ZNF43: variants seen among roughly 807,000 people sequenced by gnomAD.
ZNF43 encodes zinc finger protein 43.
ZNF43 carries 44 observed loss-of-function variants against 68.4 expected under a neutral mutation model. The observed-to-expected ratio is 0.64, with a 90% CI of 0.51 to 0.83. ZNF43 has a LOEUF of 0.83. ZNF43 is among the 40% of genes least tolerant of loss of function. The pLI, the probability that ZNF43 is intolerant of heterozygous loss-of-function variation, is 0.00. For synonymous variants in ZNF43, 308 were observed against 307.8 expected (o/e 1.00, Z -0.01); for missense variants, 896 against 933.2 (o/e 0.96, Z 0.52).
intron 1 of ZNF43, among the ~76,000 whole-genome samples, chr19:21,829,999 C>T (rs1336577250): frequency 6.6e-6 from 1 of 152,046 alleles, no homozygotes; most frequent in Non-Finnish European, 1.5e-5. Flanking sequence ...CCCCTGTAAT[C>T]GCAGCATTTT....
At position 21,817,889 on chromosome 19, in the gene ZNF43, T is replaced by G; in HGVS notation, c.228A>C (p.Pro76=). ...MRRHEMVAKP[P]VMCSHFTQDF... ...GTATTCACTTTCACTCTCACCTACCTGGGGGTTTGGCTACCATTTCATGTC... is the reference window on the plus strand; with the variant it reads ...GTATTCACTTTCACTCTCACCTACCGGGGGGTTTGGCTACCATTTCATGTC... The change falls in exon 3 of 4, where the codon CCA becomes CCC. Residue 76 remains proline, a splice_region_variant and synonymous_variant. Transcript: ENST00000354959. The G allele has an allele frequency of 6.2e-7, 1 of 1,612,362 alleles. No homozygotes were observed. Among genetic ancestry groups the G allele is most frequent in the South Asian group, 1.1e-5 (1 of 91,054 alleles).
At chr19:21,812,078 T>C in intron 3 of ZNF43, 1 of 398,308 alleles carries the variant, frequency 2.5e-6, no homozygotes, top group Non-Finnish European at 4.4e-6. Context: ...GTGAAAGTAT[T>C]TGTAAATCAC....
At chr19:21,829,283 A>C (rs947647434) in intron 1 of ZNF43, among the ~76,000 whole-genome samples, 1 of 152,094 alleles carries the variant, frequency 6.6e-6, no homozygotes, top group African/African-American at 2.4e-5. Context: ...TCCAAGGTTG[A>C]GTTTACACAC....
At chr19:21,826,831 T>C (rs1209069399) in intron 1 of ZNF43, 18 of 49,636 alleles carry the variant, frequency 3.6e-4, no homozygotes, top group Admixed American at 2.5e-3. Context: ...TGAGACTCTT[T>C]GTCTCCAAAA....
At chr19:21,812,170 A>G (rs2037307218) in intron 3 of ZNF43, 1 of 363,910 alleles carries the variant, frequency 2.7e-6, no homozygotes, top group Non-Finnish European at 4.9e-6. Context: ...TCTGTCACCC[A>G]TGCTGGAGTG....
chr19:21,817,173 A>G (rs552331968), intron 3 of ZNF43, among the ~76,000 whole-genome samples: 1 of 148,564 alleles, frequency 6.7e-6, no homozygotes, highest in South Asian at 2.4e-4. Flanking sequence ...CAGTGAGCCG[A>G]GATTGTGCCA....
intron 1 of ZNF43, among the ~76,000 whole-genome samples, chr19:21,841,961 C>A (rs1388842055): frequency 6.6e-6 from 1 of 152,168 alleles, no homozygotes; most frequent in Non-Finnish European, 1.5e-5. Context: ...GGTCCAACAA[C>A]TAGGTGATGT....
chr19:21,824,455 C>T (rs1270779885), intron 1 of ZNF43, among the ~76,000 whole-genome samples: 1 of 152,114 alleles, frequency 6.6e-6, no homozygotes, highest in East Asian at 1.9e-4. Context: ...TGAGCAAAAT[C>T]TGAAAAGTTC....
intron 1 of ZNF43, among the ~76,000 whole-genome samples, chr19:21,830,227 C>A (rs2038354605): frequency 6.6e-6 from 1 of 150,424 alleles, no homozygotes; most frequent in Admixed American, 6.6e-5. Context: ...AAGGTTGTGC[C>A]ACTGCACTCC....
Position 21,808,706 on chromosome 19 carries a change from T to C in ZNF43, c.1331A>G (p.His444Arg), listed in dbSNP as rs767789121. 4.3e-6 allele frequency: 7 copies of C among 1,613,254 alleles called. No homozygotes were observed. The highest frequency in any genetic ancestry group is 2.7e-5 in the African/African-American group (2 of 74,854). The change falls in exon 4 of 4, where the codon CAT becomes CGT. Residue 444 changes from histidine to arginine, a missense_variant. Physicochemically the swap from His to Arg is conservative, Grantham distance 29. Transcript: ENST00000354959. ...AFNWPSTLTK[H>R]NRIHTGEKPY... ...TTTCTCTCCAGTATGAATTCTGTTATGTTTAGTAAGGGTTGAGGGCCAGTT... is the reference window on the plus strand; with the variant it reads ...TTTCTCTCCAGTATGAATTCTGTTACGTTTAGTAAGGGTTGAGGGCCAGTT...
chr19:21,831,601 C>T (rs551628829), intron 1 of ZNF43, among the ~76,000 whole-genome samples: 155 of 152,122 alleles, frequency 1.0e-3, no homozygotes, highest in African/African-American at 3.5e-3. Flanking sequence ...CCTTGTGATC[C>T]GCCCACCTCG....
intron 1 of ZNF43, chr19:21,843,277 G>A (rs1967663982): frequency 2.8e-6 from 2 of 708,042 alleles, no homozygotes; most frequent in Non-Finnish European, 3.5e-6. Context: ...GCCCAGGCAG[G>A]AGAGTCAAAT....
At chr19:21,831,745 C>T (rs1373469315) in intron 1 of ZNF43, among the ~76,000 whole-genome samples, 1 of 152,156 alleles carries the variant, frequency 6.6e-6, no homozygotes, top group Non-Finnish European at 1.5e-5. Flanking sequence ...CATCTCTGTA[C>T]ATCAACAATA....
intron 1 of ZNF43, chr19:21,826,867 TGAG>T (rs1441594252): frequency 3.3e-5 from 5 of 150,532 alleles, no homozygotes; most frequent in African/African-American, 1.2e-4. Flanking sequence ...GTTTTCAGCA[TGAG>T]TTCAGATGAT....
chr19:21,808,911 C>T lies in ZNF43; in HGVS notation c.1126G>A (p.Gly376Ser). 6.2e-7 allele frequency: 1 copy of T among 1,613,570 alleles called. No homozygotes were observed. Among genetic ancestry groups the T allele is most frequent in the South Asian group, 1.1e-5 (1 of 91,060 alleles). Residue 376 changes from glycine (G) to serine (S), a missense_variant, in exon 4 of 4, where the codon GGT (glycine) becomes AGT (serine). Coordinates refer to ENST00000354959, the MANE Select transcript of ZNF43 (RefSeq NM_003423.4). ...TTTGAGGACCGGCTAAAAGCTTCAC[C>T]ACATTCTGTACATTTATAGAATTTC... is the stretch of plus-strand genomic sequence containing the variant. The part of the protein sequence containing the change: ...AEKFYKCTEC[G>S]EAFSRSSNLT...
rs1270358685 is a variant in ZNF43, at chr19:21,808,031, TTA to T, written c.2004_2005del (p.His668GlnfsTer13). ...GGGTTTCTCTCCAGTATGAATTATC[TTA>T]TGTTTAGTAAGGGTTGAGGACCACT... On this transcript the variant is annotated frameshift_variant, in exon 4 of 4. Transcript: ENST00000354959. LOFTEE classifies it high-confidence loss of function. 1.9e-6 allele frequency: 3 copies of T among 1,612,978 alleles called. No homozygotes were observed. Among genetic ancestry groups the T allele is most frequent in the East Asian group, 4.5e-5 (2 of 44,854 alleles).
intron 2 of ZNF43, 130 bp downstream of exon 2, chr19:21,818,965 C>T (rs925474701): frequency 7.5e-7 from 1 of 1,325,612 alleles, no homozygotes; most frequent in Non-Finnish European, 1.0e-6. Flanking sequence ...CCAACAAATC[C>T]CAATTTTTTT....
rs2038608117 is a variant in ZNF43, at chr19:21,834,739, CGA to C, written c.3+1295_3+1296del. On this transcript the variant is annotated intron_variant, in intron 1 of 3. Transcript: ENST00000354959. ...TTGCACTCCAGCCTGGGAAACAAAG[CGA>C]GAGGAAGGATGGAAGCAAGGATGGA... Among the ~76,000 whole-genome samples the C allele has an allele frequency of 2.2e-5, 3 of 133,808 alleles. No homozygotes were observed. In the South Asian group the frequency reaches 7.1e-4, roughly 32 times the overall value. 87.8% of individuals were successfully genotyped at this position (133,808 alleles called of 152,430 possible).
At chr19:21,851,014 T>A (rs960779829) in intron 1 of ZNF43, 1 of 152,278 alleles carries the variant, frequency 6.6e-6, no homozygotes, top group Admixed American at 6.5e-5. Flanking sequence ...ACACCTCCTG[T>A]ATGTTGGGTC....
Sources: gnomAD v4.1 joint callset for allele counts (sites outside exome capture counted in the v4.1 genomes callset) on GRCh38, gnomAD v4.1.1 for gene constraint, MANE v1.5 for transcripts, NCBI Gene and HGNC (gene_info 2026-07-23, HGNC 2026-07-21) for gene names.